The following BLK variants were observed in gnomAD, a reference collection of about 807,000 sequenced individuals.
BLK encodes BLK proto-oncogene, Src family tyrosine kinase.
BLK carries 64 observed loss-of-function variants against 61.8 expected under a neutral mutation model. That is an observed-to-expected ratio of 1.03 (90% confidence interval 0.85 to 1.27). BLK has a LOEUF of 1.27. BLK is among the 50% of genes most tolerant of loss of function. The pLI is 0.00. For synonymous variants in BLK, 351 were observed against 272.0 expected, an observed-to-expected ratio of 1.29 and a Z score of -2.86; for missense variants, 853 against 660.5, an observed-to-expected ratio of 1.29 and a Z score of -3.19.
intron 1 of BLK, among the ~76,000 whole-genome samples, chr8:11,526,969 C>T (rs76046959): frequency 0.02 from 3,065 of 152,240 alleles, 93 homozygotes; most frequent in African/African-American, 0.07. Context: ...AAGCCTCTTT[C>T]GTTTTCTTTT....
intron 8 of BLK, 81 bp downstream of exon 8, chr8:11,555,565 A>G: frequency 6.3e-7 from 1 of 1,592,248 alleles, no homozygotes; most frequent in Non-Finnish European, 8.6e-7. Context: ...GCATTTTCAT[A>G]GCGTGTCATC....
rs759831348 is a variant in BLK at position 11,555,452 on chromosome 8, T to G, written c.740T>G (p.Leu247Arg). Residue 247 changes from leucine (L) to arginine (R), a missense_variant, in exon 8 of 13, where the codon CTC becomes CGC. Coordinates refer to ENST00000259089, the MANE Select transcript of BLK (RefSeq NM_001715.3). ...PRQSLRLVRK[L>R]GSGQFGEVWM... is the part of the protein sequence containing the mutation. The stretch of plus-strand genomic sequence containing the variant: ...CAGTCTCTCAGGCTGGTCAGGAAAC[T>G]CGGGTCTGGACAATTCGGCGAAGTC... The G allele has an allele frequency of 6.8e-6, 11 of 1,614,078 alleles. No homozygotes were observed. Among genetic ancestry groups the G allele is most frequent in the Non-Finnish European group, 9.3e-6 (11 of 1,180,014 alleles).
rs566863428 is a variant in BLK, at chr8:11,521,985, A to G, written c.-1-21239A>G. On this transcript the variant is annotated intron_variant, in intron 1 of 12. Transcript: ENST00000259089. The stretch of plus-strand genomic sequence containing the variant: ...ACACCCTTTGGAATATAGATTGGAA[A>G]CACATTTGATTTTTAAGTAATTTGG... Among the ~76,000 whole-genome samples, 5 of 152,358 alleles carry G rather than the reference A, an allele frequency of 3.3e-5. No homozygotes were observed. In the East Asian group the frequency reaches 7.7e-4, roughly 23 times the overall value.
In BLK at chr8:11,556,784, A is replaced by G. The variant is rs1379252029; in HGVS notation, c.899A>G (p.Tyr300Cys). The G allele has an allele frequency of 6.2e-7, 1 of 1,614,208 alleles. No homozygotes were observed. The highest frequency in any genetic ancestry group is 1.7e-5 in the Admixed American group (1 of 60,024). Reference sequence around the variant, plus strand: ...CAGCACGAGCGGCTGGTCCGACTCTACGCAGTGGTCACCAAGGAGCCCATC... The same window carrying G: ...CAGCACGAGCGGCTGGTCCGACTCTGCGCAGTGGTCACCAAGGAGCCCATC... ...ALQHERLVRLYAVVTKEPIYI... is the reference protein window; with the variant it reads ...ALQHERLVRLCAVVTKEPIYI... The change falls in exon 9 of 13, where the codon TAC becomes TGC. Residue 300 changes from tyrosine to cysteine, a missense_variant. Tyr to Cys is a radical substitution (Grantham distance 194, BLOSUM62 -2). Coordinates refer to ENST00000259089, the MANE Select transcript of BLK (RefSeq NM_001715.3).
At chr8:11,535,865 G>A (rs1044300735) in intron 1 of BLK, among the ~76,000 whole-genome samples, 1 of 152,208 alleles carries the variant, frequency 6.6e-6, no homozygotes, top group African/African-American at 2.4e-5. Context: ...AGAGGGAAGA[G>A]CAAGTGATGA....
At position 11,564,126 on chromosome 8, in the gene BLK, C is replaced by CG; in HGVS notation, c.*19dup. The CG allele has an allele frequency of 6.5e-7, 1 of 1,543,654 alleles. No homozygotes were observed. The highest frequency in any genetic ancestry group is 8.7e-7 in the Non-Finnish European group (1 of 1,149,814). ...AGCCCTAGCCGGCCGCGCCCGCCTGCGCCCCGTGCCCACCTCTGCGCGGAC... is the reference window on the plus strand; with the variant it reads ...AGCCCTAGCCGGCCGCGCCCGCCTGCGGCCCCGTGCCCACCTCTGCGCGGAC... On this transcript the variant is annotated 3_prime_UTR_variant, in exon 13 of 13. Coordinates refer to ENST00000259089, the MANE Select transcript of BLK (RefSeq NM_001715.3).
At chr8:11,522,741 GA>G (rs145632857) in intron 1 of BLK, among the ~76,000 whole-genome samples, 4 of 147,210 alleles carry the variant, frequency 2.7e-5, no homozygotes, top group South Asian at 2.2e-4. Flanking sequence ...ACATATTTCT[GA>G]AAAAAAAAGC....
intron 1 of BLK, among the ~76,000 whole-genome samples, chr8:11,511,384 G>T (rs1369337409): frequency 6.6e-6 from 1 of 151,928 alleles, no homozygotes; most frequent in Non-Finnish European, 1.5e-5. Context: ...CATGGCACAT[G>T]TATACATATG....
chr8:11,557,031 T>C (rs1801272188), intron 9 of BLK, among the ~76,000 whole-genome samples, 194 bp downstream of exon 9: 1 of 151,840 alleles, frequency 6.6e-6, no homozygotes, highest in African/African-American at 2.4e-5. Flanking sequence ...GAGGGTGAAG[T>C]GGTTCTGACA....
intron 1 of BLK, among the ~76,000 whole-genome samples, chr8:11,497,672 A>G (rs1798407840): frequency 6.6e-6 from 1 of 152,276 alleles, no homozygotes; most frequent in African/African-American, 2.4e-5. Context: ...ATCAAGGTTA[A>G]GACATGAGGA....
intron 1 of BLK, among the ~76,000 whole-genome samples, chr8:11,518,928 C>T (rs141471303): frequency 1.3e-3 from 193 of 152,268 alleles, no homozygotes; most frequent in African/African-American, 3.5e-3. Flanking sequence ...CTCCAGCATA[C>T]GTCGCACTTT....
chr8:11,512,314 C>T (rs1387941584), intron 1 of BLK, among the ~76,000 whole-genome samples: 2 of 152,182 alleles, frequency 1.3e-5, no homozygotes, highest in Non-Finnish European at 2.9e-5. Flanking sequence ...AGCTCTTTTC[C>T]AGAACTTGTT....
At chr8:11,531,596 T>C (rs1273849591) in intron 1 of BLK, among the ~76,000 whole-genome samples, 5 of 152,224 alleles carry the variant, frequency 3.3e-5, no homozygotes, top group Non-Finnish European at 7.3e-5. Flanking sequence ...GTTGATATTC[T>C]TGAGTCTTCG....
rs1274756096 is a variant in BLK, at chr8:11,563,068, C to T, written c.1270C>T (p.Leu424Phe). ...AGCAGACGTGTGGTCGTTTGGAGTC[C>T]TCCTGATGGAAGTTGTCACTTATGG... is the stretch of plus-strand genomic sequence containing the variant. Reference protein sequence around the residue: ...IKADVWSFGVLLMEVVTYGRV... With the variant: ...IKADVWSFGVFLMEVVTYGRV... Residue 424 changes from leucine to phenylalanine, a missense_variant, in exon 12 of 13, where the codon CTC (leucine) becomes TTC (phenylalanine). Transcript: ENST00000259089. The T allele has an allele frequency of 6.2e-7, 1 of 1,613,950 alleles. No individual in the cohort carries two copies. The highest frequency in any genetic ancestry group is 1.7e-5 in the Admixed American group (1 of 60,028).
intron 10 of BLK, among the ~76,000 whole-genome samples, chr8:11,559,395 AGACACACACACAGACACACAGACT>A (rs1196056955): frequency 5.1e-4 from 55 of 108,534 alleles, no homozygotes; most frequent in African/African-American, 1.7e-3. Context: ...ACACACAGAC[AGACACACACACAGACACACAGACT>A]CACACACACA....
chr8:11,524,548 G>A (rs761551921), intron 1 of BLK, among the ~76,000 whole-genome samples: 10 of 152,204 alleles, frequency 6.6e-5, no homozygotes, highest in Non-Finnish European at 1.3e-4. Context: ...ATGTCTGAAG[G>A]ACAATTTGCC....
At chr8:11,498,217 GC>G (rs1798427070) in intron 1 of BLK, among the ~76,000 whole-genome samples, 1 of 152,226 alleles carries the variant, frequency 6.6e-6, no homozygotes, top group African/African-American at 2.4e-5. Flanking sequence ...AGGCTCCCAT[GC>G]TCAGGTCGTT....
chr8:11,559,338 C>T (rs1342297481), intron 10 of BLK, among the ~76,000 whole-genome samples: 15 of 147,262 alleles, frequency 1.0e-4, no homozygotes, highest in Admixed American at 6.7e-4. Context: ...CACACACACA[C>T]GGACAAACAC....
At chr8:11,510,955 T>C (rs111398761) in intron 1 of BLK, among the ~76,000 whole-genome samples, 85 of 152,318 alleles carry the variant, frequency 5.6e-4, no homozygotes, top group African/African-American at 1.9e-3. Flanking sequence ...AAGGAAATGC[T>C]TTGGCATTTT....
Sources: gnomAD v4.1 joint callset for allele counts (sites outside exome capture counted in the v4.1 genomes callset) on GRCh38, gnomAD v4.1.1 for gene constraint, MANE v1.5 for transcripts, NCBI Gene and HGNC (gene_info 2026-07-23, HGNC 2026-07-21) for gene names.